The following CNTNAP2 variants were observed in gnomAD, a reference collection of about 807,000 sequenced individuals.
CNTNAP2 encodes the protein contactin associated protein 2, also known as contactin-associated protein-like 2.
Under a neutral mutation model 155.2 loss-of-function variants are expected in CNTNAP2, and 98 were observed. The ratio of observed to expected loss-of-function variants is 0.63; its 90% CI spans 0.54 to 0.75. The LOEUF (loss-of-function observed/expected upper bound fraction) is 0.75, where lower values mean the gene tolerates loss of function less well. CNTNAP2 is among the 30% of genes least tolerant of loss of function. The probability of loss-of-function intolerance (pLI) is 0.00; values close to 1 mark genes in which losing one functional copy is unlikely to be tolerated. For missense variants in CNTNAP2, 1,727 were observed against 1,688.1 expected (o/e 1.02, Z -0.40); for synonymous variants, 651 against 631.2 (o/e 1.03, Z -0.47).
chr7:147,537,908 C>T (rs1799575358), intron 11 of CNTNAP2, among the ~76,000 whole-genome samples: 2 of 152,168 alleles, frequency 1.3e-5, no homozygotes, highest in African/African-American at 4.8e-5. Flanking sequence ...ATGCATGTAG[C>T]ACATGCTGGA....
At chr7:147,422,205 T>C (rs951022816) in intron 10 of CNTNAP2, among the ~76,000 whole-genome samples, 6 of 148,314 alleles carry the variant, frequency 4.0e-5, no homozygotes, top group Non-Finnish European at 8.9e-5. Flanking sequence ...TATGTATATA[T>C]ACACAATATA....
intron 20 of CNTNAP2, among the ~76,000 whole-genome samples, chr7:148,253,994 G>A (rs1403358660): frequency 6.6e-6 from 1 of 151,910 alleles, no homozygotes; most frequent in Non-Finnish European, 1.5e-5. Context: ...CTGTATTTTT[G>A]ATCCGCATTT....
rs1210621042 is a variant in CNTNAP2, at chr7:146,717,339, C to T, written c.98-56932C>T. 2.3e-5 allele frequency among the ~76,000 whole-genome samples: 3 copies of T among 130,566 alleles called. No individual in the cohort carries two copies. In the East Asian group the frequency reaches 6.2e-4, roughly 27 times the overall value. The allele number at this position is 130,566 out of a possible 152,430, so 85.7% of individuals were successfully genotyped here. A position where few individuals can be genotyped will look rare whatever the true frequency, so the allele number is the denominator to read the frequency against. ...CCAACATGGCAAAACTCTGTCTCTACTAAAAAATTAAAAAAAAAAAAAAAA... is the reference window on the plus strand; with the variant it reads ...CCAACATGGCAAAACTCTGTCTCTATTAAAAAATTAAAAAAAAAAAAAAAA... On this transcript the variant is annotated intron_variant, in intron 1 of 23. Coordinates refer to ENST00000361727, the MANE Select transcript of CNTNAP2 (RefSeq NM_014141.6).
At chr7:147,929,490 A>G (rs1056968237) in intron 14 of CNTNAP2, among the ~76,000 whole-genome samples, 2 of 152,236 alleles carry the variant, frequency 1.3e-5, no homozygotes, top group African/African-American at 4.8e-5. Context: ...AAATAATGTG[A>G]TTTAAACAAT....
At chr7:147,086,743 A>G (rs887587961) in intron 4 of CNTNAP2, among the ~76,000 whole-genome samples, 8 of 152,168 alleles carry the variant, frequency 5.3e-5, no homozygotes, top group African/African-American at 1.7e-4. Flanking sequence ...GCCATACAGA[A>G]GATACATAAT....
chr7:146,279,954 A>C (rs1800224572), intron 1 of CNTNAP2, among the ~76,000 whole-genome samples: 1 of 152,028 alleles, frequency 6.6e-6, no homozygotes, highest in South Asian at 2.1e-4. Context: ...ATTATAAATT[A>C]CTATACGTAT....
At chr7:148,251,946 T>C (rs1462803383) in intron 20 of CNTNAP2, among the ~76,000 whole-genome samples, 1 of 152,204 alleles carries the variant, frequency 6.6e-6, no homozygotes, top group African/African-American at 2.4e-5. Flanking sequence ...CACAGGAGCC[T>C]GTAGGGCACA....
chr7:146,592,632 T>C (rs1037588775), intron 1 of CNTNAP2, among the ~76,000 whole-genome samples: 1 of 152,114 alleles, frequency 6.6e-6, no homozygotes, highest in Non-Finnish European at 1.5e-5. Context: ...TCAGAACCAA[T>C]GTAGGAATTC....
intron 3 of CNTNAP2, among the ~76,000 whole-genome samples, chr7:146,896,612 G>T (rs1018998995): frequency 6.6e-6 from 1 of 151,766 alleles, no homozygotes; most frequent in Admixed American, 6.6e-5. Flanking sequence ...TTATGTTGGT[G>T]CAAAAGCAAT....
chr7:146,306,124 T>G (rs928677606), intron 1 of CNTNAP2, among the ~76,000 whole-genome samples: 1 of 152,100 alleles, frequency 6.6e-6, no homozygotes, highest in Non-Finnish European at 1.5e-5. Context: ...AACACCTCTA[T>G]GCAAATAACC....
chr7:147,025,721 A>G (rs1463962001), intron 3 of CNTNAP2, among the ~76,000 whole-genome samples: 1 of 152,024 alleles, frequency 6.6e-6, no homozygotes, highest in Admixed American at 6.5e-5. Flanking sequence ...AAAACCCATC[A>G]AACTTACAGA....
intron 22 of CNTNAP2, among the ~76,000 whole-genome samples, chr7:148,407,054 T>TA (rs2116710073): frequency 6.6e-6 from 1 of 152,336 alleles, no homozygotes; most frequent in Admixed American, 6.5e-5. Context: ...TGACATATAG[T>TA]AGGCATTCTA....
At chr7:146,847,847 G>GAT (rs1794789422) in intron 3 of CNTNAP2, among the ~76,000 whole-genome samples, 1 of 152,130 alleles carries the variant, frequency 6.6e-6, no homozygotes, top group African/African-American at 2.4e-5. Context: ...AGTTTTTTCA[G>GAT]ATATATATTT....
chr7:146,129,317 T>G (rs939234123), intron 1 of CNTNAP2, among the ~76,000 whole-genome samples: 3 of 152,074 alleles, frequency 2.0e-5, no homozygotes, highest in African/African-American at 7.2e-5. Flanking sequence ...CAATAGGGCC[T>G]TTTTTTCAAA....
intron 1 of CNTNAP2, among the ~76,000 whole-genome samples, chr7:146,155,363 C>T (rs1798109415): frequency 6.6e-6 from 1 of 152,134 alleles, no homozygotes; most frequent in Non-Finnish European, 1.5e-5. Context: ...TATTTCAGAA[C>T]AACAAGTACT....
At chr7:148,190,089 T>C (rs1370384908) in intron 18 of CNTNAP2, 1 of 152,194 alleles carries the variant, frequency 6.6e-6, no homozygotes, top group Non-Finnish European at 1.5e-5. Context: ...TGGACAGCCT[T>C]GGGACTTGCT....
At chr7:147,834,462 G>A (rs1187934090) in intron 13 of CNTNAP2, among the ~76,000 whole-genome samples, 4 of 152,100 alleles carry the variant, frequency 2.6e-5, no homozygotes, top group Non-Finnish European at 5.9e-5. Context: ...AAATACCCTC[G>A]TAATTCTACT....
chr7:146,888,482 T>C (rs895164337), intron 3 of CNTNAP2, among the ~76,000 whole-genome samples: 1 of 152,146 alleles, frequency 6.6e-6, no homozygotes, highest in African/African-American at 2.4e-5. Flanking sequence ...TTTTTCCTTA[T>C]CAAAAATTTA....
At chr7:146,269,071 G>A (rs1339844459) in intron 1 of CNTNAP2, among the ~76,000 whole-genome samples, 1 of 152,198 alleles carries the variant, frequency 6.6e-6, no homozygotes, top group Non-Finnish European at 1.5e-5. Flanking sequence ...GCCAGGTGGG[G>A]TGGCTCACGC....
Sources: gnomAD v4.1 joint callset for allele counts (sites outside exome capture counted in the v4.1 genomes callset) on GRCh38, gnomAD v4.1.1 for gene constraint, MANE v1.5 for transcripts, NCBI Gene and HGNC (gene_info 2026-07-23, HGNC 2026-07-21) for gene names.